PCDH11Y: variants seen among roughly 807,000 people sequenced by gnomAD.
PCDH11Y encodes protocadherin 11 Y-linked, also known as protocadherin-11 Y-linked.
For synonymous variants in PCDH11Y, 9 were observed against 83.6 expected, an observed-to-expected ratio of 0.11 and a Z score of 4.87; for missense variants, 12 against 224.8, an observed-to-expected ratio of 0.05 and a Z score of 6.05.
intron 2 of PCDH11Y, among the ~76,000 whole-genome samples, chrY:5,351,245 CTCT>C: frequency 3.2e-5 from 1 of 30,986 alleles, no homozygotes; most frequent in East Asian, 8.4e-4. Flanking sequence ...TTAAAAAAAT[CTCT>C]TTTTTGATTT....
intron 2 of PCDH11Y, among the ~76,000 whole-genome samples, chrY:5,229,307 C>CT (rs34481930): frequency 0.01 from 158 of 15,654 alleles, no homozygotes; most frequent in Non-Finnish European, 0.012. Context: ...CTACGTGTGC[C>CT]TTTTTTTTTT....
At chrY:5,135,360 G>C in intron 2 of PCDH11Y, among the ~76,000 whole-genome samples, 6 of 33,365 alleles carry the variant, frequency 1.8e-4, no homozygotes, top group Non-Finnish European at 4.5e-4. Flanking sequence ...GGAGTGGGCA[G>C]ACAGGGAAAG....
chrY:5,585,195 C>T (rs2053454198), intron 4 of PCDH11Y, among the ~76,000 whole-genome samples: 1 of 32,822 alleles, frequency 3.0e-5, no homozygotes, highest in Non-Finnish European at 7.5e-5. Context: ...AAATAATTTA[C>T]GCTCTCACCA....
intron 2 of PCDH11Y, among the ~76,000 whole-genome samples, chrY:5,129,546 T>C: frequency 3.3e-5 from 1 of 30,439 alleles, no homozygotes; most frequent in Non-Finnish European, 7.8e-5. Flanking sequence ...CAAATATAAA[T>C]ATTTAAATTG....
At chrY:5,400,278 C>T in intron 2 of PCDH11Y, among the ~76,000 whole-genome samples, 1 of 34,395 alleles carries the variant, frequency 2.9e-5, no homozygotes, top group African/African-American at 1.1e-4. Flanking sequence ...AGCGGTTTTC[C>T]GCCCTGGGTG....
chrY:5,736,048 A>T, intron 4 of PCDH11Y, among the ~76,000 whole-genome samples: 1 of 31,833 alleles, frequency 3.1e-5, no homozygotes, highest in Non-Finnish European at 7.7e-5. Context: ...TTCTTGCTTT[A>T]TTTCATTGGC....
chrY:5,041,541 C>A (rs2052611090), intron 3 of PCDH11Y, among the ~76,000 whole-genome samples: 1 of 32,093 alleles, frequency 3.1e-5, no homozygotes, highest in African/African-American at 1.2e-4. Context: ...CAAGTCTTTG[C>A]TATTGTGAGT....
chrY:5,099,989 T>C, exon 2 of PCDH11Y: 1 of 396,388 alleles, frequency 2.5e-6, no homozygotes. Context: ...AATCTGTTCG[T>C]GAATGAGTCA....
At chrY:5,105,013 C>T, downstream of PCDH11Y, 1 of 170,506 alleles carries the variant, frequency 5.9e-6, no homozygotes, top group Non-Finnish European at 7.3e-6. Context: ...GAGGCCGAGG[C>T]GGGTGGATCA....
chrY:5,079,151 A>G, intron 1 of PCDH11Y, among the ~76,000 whole-genome samples: 1 of 33,649 alleles, frequency 3.0e-5, no homozygotes, highest in Non-Finnish European at 7.4e-5. Flanking sequence ...CTGACGCAAG[A>G]GGTAGGTTCC....
At chrY:5,554,881 G>A in intron 3 of PCDH11Y, among the ~76,000 whole-genome samples, 1 of 33,277 alleles carries the variant, frequency 3.0e-5, no homozygotes, top group Non-Finnish European at 7.5e-5. Flanking sequence ...ATGTGGGGTC[G>A]GCACCCACAC....
chrY:5,716,484 T>C lies in PCDH11Y; in HGVS notation c.3353-20788T>C, dbSNP rs2124713569. 2.4e-4 allele frequency among the ~76,000 whole-genome samples: 8 copies of C among 32,664 alleles called. No homozygotes were observed. In the South Asian group the frequency reaches 5.2e-3, roughly 21 times the overall value. The allele number at this position is 32,664 out of a possible 37,273, so 87.6% of individuals were successfully genotyped here. A position where few individuals can be genotyped will look rare whatever the true frequency, so the allele number is the denominator to read the frequency against. On this transcript the variant is annotated intron_variant, in intron 4 of 4. Transcript: ENST00000400457. ...AATTAAAAAGTAGTCAAATTAATAATAGCCACACACAAAAGTAAATACCTA... is the reference window on the plus strand; with the variant it reads ...AATTAAAAAGTAGTCAAATTAATAACAGCCACACACAAAAGTAAATACCTA...
intron 2 of PCDH11Y, chrY:5,338,063 G>A: frequency 2.9e-6 from 1 of 339,474 alleles, no homozygotes; most frequent in Non-Finnish European, 4.3e-6. Context: ...TCCATGCATG[G>A]CGGAGACAGT....
chrY:5,202,097 G>A, intron 2 of PCDH11Y, among the ~76,000 whole-genome samples: 6 of 33,002 alleles, frequency 1.8e-4, no homozygotes, highest in Non-Finnish European at 3.7e-4. Flanking sequence ...CACATGTTAA[G>A]CATTTGTAGT....
At chrY:5,394,227 T>C in intron 2 of PCDH11Y, among the ~76,000 whole-genome samples, 1 of 34,266 alleles carries the variant, frequency 2.9e-5, no homozygotes, top group Non-Finnish European at 7.3e-5. Context: ...AGAGATTATA[T>C]ACACAAATAC....
intron 4 of PCDH11Y, among the ~76,000 whole-genome samples, chrY:5,656,748 T>C (rs2053536657): frequency 3.1e-5 from 1 of 32,372 alleles, no homozygotes; most frequent in African/African-American, 1.2e-4. Context: ...AAAATTTATA[T>C]GGAACCCTGT....
At chrY:5,575,065 C>T in intron 3 of PCDH11Y, among the ~76,000 whole-genome samples, 5 of 33,541 alleles carry the variant, frequency 1.5e-4, no homozygotes, top group Admixed American at 1.4e-3. Context: ...AATCTAAGAC[C>T]TTAAACTATG....
chrY:5,416,100 A>AT (rs2053252999), intron 2 of PCDH11Y, among the ~76,000 whole-genome samples: 1 of 31,999 alleles, frequency 3.1e-5, no homozygotes, highest in Non-Finnish European at 7.6e-5. Context: ...TGACTCTTCT[A>AT]TTTTTTAAGG....
chrY:5,153,880 A>G (rs2052866106), intron 2 of PCDH11Y, among the ~76,000 whole-genome samples: 1 of 27,911 alleles, frequency 3.6e-5, no homozygotes, highest in African/African-American at 1.4e-4. Context: ...CTAAGACACT[A>G]TGGAGAGATA....
Sources: gnomAD v4.1 joint callset for allele counts (sites outside exome capture counted in the v4.1 genomes callset) on GRCh38, gnomAD v4.1.1 for gene constraint, MANE v1.5 for transcripts, NCBI Gene and HGNC (gene_info 2026-07-23, HGNC 2026-07-21) for gene names.